MYH4: variants seen among roughly 807,000 people sequenced by gnomAD.
The protein encoded by MYH4 is myosin-4.
Under a neutral mutation model 229.9 loss-of-function variants are expected in MYH4, and 200 were observed. The observed-to-expected ratio is 0.87, with a 90% CI of 0.78 to 0.98. The LOEUF is 0.98. Among genes scored for constraint, MYH4 ranks in the 50% least tolerant of loss-of-function variants. MYH4 has a pLI of 0.00. For synonymous variants in MYH4, 761 were observed against 834.6 expected, an observed-to-expected ratio of 0.91 and a Z score of 1.52; for missense variants, 2,148 against 2,332.6, an observed-to-expected ratio of 0.92 and a Z score of 1.63.
chr17:10,459,399 C>A lies in MYH4; in HGVS notation c.1439G>T (p.Cys480Phe), dbSNP rs1284664592. The A allele has an allele frequency of 9.9e-6, 16 of 1,614,162 alleles. No individual in the cohort carries two copies. The highest frequency in any genetic ancestry group is 1.3e-5 in the African/African-American group (1 of 75,036). ...IFDFNSLEQLCINFTNEKLQQ... is the reference protein window; with the variant it reads ...IFDFNSLEQLFINFTNEKLQQ... ...CAGTTTCTCGTTGGTGAAGTTGATG[C>A]ACAGCTGCTCCAGGCTGTTGAACTA... The change falls in exon 15 of 40, where the codon TGC (cysteine) becomes TTC (phenylalanine). Residue 480 changes from cysteine (C) to phenylalanine (F), a missense_variant. Physicochemically the swap from Cys to Phe is radical, Grantham distance 205. Transcript: ENST00000255381.
At position 10,460,008 on chromosome 17, in the gene MYH4, G is replaced by T. The variant is rs779747456; in HGVS notation, c.1360C>A (p.Gln454Lys). ...ACCCCGATGAAGTACTGCCTGGGCT[G>T]CTTGGTGTCCAGCTGCTGGTTGATG... Reference protein sequence around the residue: ...TRINQQLDTKQPRQYFIGVLD... With the variant: ...TRINQQLDTKKPRQYFIGVLD... The change falls in exon 14 of 40, where the codon CAG (glutamine) becomes AAG (lysine). Residue 454 changes from glutamine to lysine, a missense_variant. Physicochemically the swap from Gln to Lys is moderately conservative, Grantham distance 53 (BLOSUM62 1). Transcript: ENST00000255381. 66 of 1,613,978 alleles carry T rather than the reference G, an allele frequency of 4.1e-5. No individual in the cohort carries two copies. The highest frequency in any genetic ancestry group is 4.4e-5 in the Non-Finnish European group (52 of 1,179,974).
At position 10,452,029 on chromosome 17, in the gene MYH4, AC is replaced by A; in HGVS notation, c.3649del (p.Val1217SerfsTer12). The A allele has an allele frequency of 6.2e-7, 1 of 1,613,676 alleles. No homozygotes were observed. The highest frequency in any genetic ancestry group is 1.3e-5 in the African/African-American group (1 of 74,948). ...LGEQIDSLQR[V>X]KQKLEKEKSE... The stretch of plus-strand genomic sequence containing the variant: ...CTTTTCCTTCTCCAGCTTCTGCTTG[AC>A]CCGCTGAAGGCTGTCAATCTGCTCC... On this transcript the variant is annotated frameshift_variant, in exon 27 of 40. Coordinates refer to ENST00000255381, the MANE Select transcript of MYH4 (RefSeq NM_017533.2). LOFTEE classifies it high-confidence loss of function.
chr17:10,467,227 C>T (rs762720155), intron 2 of MYH4, among the ~76,000 whole-genome samples: 7 of 152,154 alleles, frequency 4.6e-5, no homozygotes, highest in Non-Finnish European at 7.4e-5. Flanking sequence ...CTTAAAAACT[C>T]AAATACAGAT....
At chr17:10,454,520 T>G (rs1434973252) in intron 22 of MYH4, 35 bp downstream of exon 22, 6 of 1,595,394 alleles carry the variant, frequency 3.8e-6, no homozygotes, top group Non-Finnish European at 5.1e-6. Context: ...TTAAAAGTAA[T>G]AAGATGTGGC....
chr17:10,446,173 T>C (rs1427075526), intron 35 of MYH4, among the ~76,000 whole-genome samples: 2 of 152,074 alleles, frequency 1.3e-5, no homozygotes, highest in Non-Finnish European at 2.9e-5. Context: ...ATTAATTTGA[T>C]TTTAAAATTA....
At chr17:10,456,045 T>C in intron 17 of MYH4, 144 bp from the exon 18 acceptor site, 1 of 1,025,860 alleles carries the variant, frequency 9.7e-7, no homozygotes, top group East Asian at 2.5e-5. Flanking sequence ...ATCATATAAG[T>C]GGAGCACAGG....
chr17:10,460,040 A>G lies in MYH4; in HGVS notation c.1328T>C (p.Val443Ala), dbSNP rs1435344965. ...GTCCAGCTGCTGGTTGATGCGGGTG[A>G]CCATCCACAGGAACATCTTCTCGTA... ...AIYEKMFLWM[V>A]TRINQQLDTK... Residue 443 changes from valine (V) to alanine (A), a missense_variant, in exon 14 of 40, where the codon GTC becomes GCC. Coordinates refer to ENST00000255381, the MANE Select transcript of MYH4 (RefSeq NM_017533.2). The G allele has an allele frequency of 1.2e-6, 2 of 1,614,118 alleles. No homozygotes were observed. Among genetic ancestry groups the G allele is most frequent in the Non-Finnish European group, 1.7e-6 (2 of 1,179,984 alleles).
At position 10,455,080 on chromosome 17, in the gene MYH4, T is replaced by C. The variant is rs756099349; in HGVS notation, c.2299-3A>G. 29 of 1,614,086 alleles carry C rather than the reference T, an allele frequency of 1.8e-5. No individual in the cohort carries two copies. Among genetic ancestry groups the C allele is most frequent in the Non-Finnish European group, 2.4e-5 (28 of 1,180,046 alleles). ...AGCAGGCCAGCTTTGAAGAAAACCT[T>C]ATGAAAGAACAAGTTAAATATGTTA... On this transcript the variant is annotated splice_region_variant and splice_polypyrimidine_tract_variant and intron_variant, in intron 20 of 39. Transcript: ENST00000255381.
At chr17:10,452,571 A>G in intron 25 of MYH4, 65 bp from the exon 26 acceptor site, 1 of 1,500,822 alleles carries the variant, frequency 6.7e-7, no homozygotes. Flanking sequence ...TCTATGTATA[A>G]TCTAAGACTT....
chr17:10,458,592 A>G (rs1429845352), intron 15 of MYH4, among the ~76,000 whole-genome samples: 1 of 152,218 alleles, frequency 6.6e-6, no homozygotes, highest in African/African-American at 2.4e-5. Context: ...GGTAGGGTTC[A>G]CACATACACT....
intron 38 of MYH4, 37 bp from the exon 39 acceptor site, chr17:10,444,736 A>G: frequency 6.2e-7 from 1 of 1,612,684 alleles, no homozygotes; most frequent in Non-Finnish European, 8.5e-7. Context: ...CATTATTTTA[A>G]AACAACTCAT....
chr17:10,456,263 G>A (rs1460119535), intron 17 of MYH4, among the ~76,000 whole-genome samples: 5 of 152,144 alleles, frequency 3.3e-5, no homozygotes, highest in African/African-American at 7.2e-5. Context: ...AATGGTTCAC[G>A]TATCATAAAG....
At position 10,454,713 on chromosome 17, in the gene MYH4, TGAG is replaced by T. The variant is rs1417753446; in HGVS notation, c.2530_2532del (p.Leu844del). On this transcript the variant is annotated inframe_deletion, in exon 22 of 40. Coordinates refer to ENST00000255381, the MANE Select transcript of MYH4 (RefSeq NM_017533.2). ...ATCTCCTTCTCTGTCTCTGCACTCT[TGAG>T]GAGGGGCTTGATCTTGAAATACAGC... 1 of 1,614,208 alleles carries T rather than the reference TGAG, an allele frequency of 6.2e-7. No individual in the cohort carries two copies.
chr17:10,452,536 A>G (rs1163942107), intron 25 of MYH4, 30 bp from the exon 26 acceptor site: 10 of 1,595,986 alleles, frequency 6.3e-6, no homozygotes, highest in African/African-American at 1.3e-5. Flanking sequence ...TTAGCTTATA[A>G]TCACTTCTCT....
At chr17:10,450,723 T>A in intron 29 of MYH4, 54 bp downstream of exon 29, 2 of 1,609,686 alleles carry the variant, frequency 1.2e-6, no homozygotes, top group South Asian at 2.2e-5. Context: ...AGTTCAATAG[T>A]GTGTTATGTT....
chr17:10,455,326 G>T, intron 19 of MYH4, 31 bp from the exon 20 acceptor site: 2 of 1,590,948 alleles, frequency 1.3e-6, no homozygotes, highest in Non-Finnish European at 1.7e-6. Context: ...TAAAAATGTG[G>T]TTTTTCTTCA....
chr17:10,452,980 C>T (rs1261353992), intron 24 of MYH4, 48 bp from the exon 25 acceptor site: 2 of 1,593,648 alleles, frequency 1.3e-6, no homozygotes, highest in Non-Finnish European at 1.7e-6. Context: ...AGCACTGAAC[C>T]CTATGCTAGT....
At chr17:10,453,479 A>T in intron 23 of MYH4, 151 bp from the exon 24 acceptor site, 1 of 1,546,818 alleles carries the variant, frequency 6.5e-7, no homozygotes, top group South Asian at 1.2e-5. Flanking sequence ...AAAAAATAGG[A>T]GGTAAAGGTC....
intron 28 of MYH4, among the ~76,000 whole-genome samples, 174 bp downstream of exon 28, chr17:10,451,152 A>T (rs948165656): frequency 6.6e-6 from 1 of 152,278 alleles, no homozygotes; most frequent in South Asian, 2.1e-4. Flanking sequence ...CTTTTCCCCA[A>T]TTGTCGCTTA....
Sources: gnomAD v4.1 joint callset for allele counts (sites outside exome capture counted in the v4.1 genomes callset) on GRCh38, gnomAD v4.1.1 for gene constraint, MANE v1.5 for transcripts, NCBI Gene and HGNC (gene_info 2026-07-23, HGNC 2026-07-21) for gene names.